MGP: variants seen among roughly 807,000 people sequenced by gnomAD.
The protein encoded by MGP is matrix Gla protein, also known as cell growth-inhibiting gene 36 protein.
A neutral mutation model predicts 14.5 loss-of-function variants in MGP; 13 were observed. The observed-to-expected ratio is 0.89, with a 90% CI of 0.58 to 1.42. The LOEUF is 1.42. Ranked by LOEUF, MGP falls within the 40% of genes most tolerant of loss-of-function variation. The pLI is 0.00. For missense variants in MGP, 128 were observed against 133.7 expected, an observed-to-expected ratio of 0.96 and a Z score of 0.21; for synonymous variants, 44 against 46.3, an observed-to-expected ratio of 0.95 and a Z score of 0.20.
At chr12:14,884,413 G>A (rs1460354268) in intron 1 of MGP, among the ~76,000 whole-genome samples, 168 bp from the exon 2 acceptor site, 3 of 152,094 alleles carry the variant, frequency 2.0e-5, no homozygotes, top group African/African-American at 7.2e-5. Flanking sequence ...AGAAATTTCA[G>A]GAATTTAGGA....
At position 14,885,811 on chromosome 12, in the gene MGP, G is replaced by T; in HGVS notation, c.-20C>A. 1.9e-6 allele frequency: 3 copies of T among 1,611,836 alleles called. No individual in the cohort carries two copies. The highest frequency in any genetic ancestry group is 2.5e-6 in the Non-Finnish European group (3 of 1,178,044). On this transcript the variant is annotated 5_prime_UTR_variant, in exon 1 of 4. It adds an upstream start codon to the 5' untranslated region. Transcript: ENST00000539261. ...CTTCATGGTTTCGTCCTGCAGGTCA[G>T]TCTCAGGGTCTTGTGTAGCAGCAGT...
rs186013880 is a variant in MGP, at chr12:14,882,244, A to G, written c.207T>C (p.Asn69=). Residue 69 remains asparagine (N), a synonymous_variant, in exon 4 of 4, where the codon AAT becomes AAC. Transcript: ENST00000539261. ...GTCTGTAGTCATCACAGGCTTCCCT[A>G]TTGAGCTCGTGGACAGGCTTAGAGC... ...RERSKPVHEL[N]REACDDYRLC... 4.4e-4 allele frequency: 709 copies of G among 1,614,142 alleles called. 6 individuals carry two copies. The East Asian group carries it at 0.012, about 27-fold the overall frequency.
chr12:14,884,721 A>G (rs1004764332), intron 1 of MGP: 74 of 1,094,586 alleles, frequency 6.8e-5, no homozygotes, highest in Non-Finnish European at 9.1e-5. Flanking sequence ...TGGGCTTACT[A>G]GGGCAGGTTT....
At chr12:14,882,930 A>C in intron 3 of MGP, 42 bp downstream of exon 3, 1 of 1,332,596 alleles carries the variant, frequency 7.5e-7, no homozygotes, top group Non-Finnish European at 1.1e-6. Context: ...TGTGATCTAC[A>C]CTGGGAAAAA....
At chr12:14,883,361 TTC>T in intron 2 of MGP, 1 of 368,732 alleles carries the variant, frequency 2.7e-6, no homozygotes, top group South Asian at 2.3e-5. Flanking sequence ...TGAGGAGAAA[TTC>T]TCTGTCCTGA....
Position 14,881,756 on chromosome 12 carries a change from T to C in MGP, c.*383A>G, listed in dbSNP as rs1307792387. The C allele has an allele frequency of 4.7e-6, 1 of 212,040 alleles. No individual in the cohort carries two copies. Among genetic ancestry groups the C allele is most frequent in the East Asian group, 1.1e-4 (1 of 8,746 alleles). The allele number at this position is 212,040 out of a possible 1,614,324, so 13.1% of individuals were successfully genotyped here. A position where few individuals can be genotyped will look rare whatever the true frequency, so the allele number is the denominator to read the frequency against. ...ATTTATGGCTGAGTGAGTGCCTTCTTAGCTTCCTTCTTTTTATGTAGTTAT... is the reference window on the plus strand; with the variant it reads ...ATTTATGGCTGAGTGAGTGCCTTCTCAGCTTCCTTCTTTTTATGTAGTTAT... On this transcript the variant is annotated 3_prime_UTR_variant, in exon 4 of 4. Transcript: ENST00000539261.
rs778737168 is a variant in MGP at position 14,882,153 on chromosome 12, G to T, written c.298C>A (p.Arg100=). 2 of 1,613,878 alleles carry T rather than the reference G, an allele frequency of 1.2e-6. No individual in the cohort carries two copies. Among genetic ancestry groups the T allele is most frequent in the South Asian group, 1.1e-5 (1 of 91,066 alleles). Residue 100 remains arginine, a synonymous_variant, in exon 4 of 4, where the codon CGA becomes AGA. Transcript: ENST00000539261. ...TTCCCTCAGTCTCATTTGGTCCCTC[G>T]GCGCTTCCTGAAGTAGCGATTATAG... is the stretch of plus-strand genomic sequence containing the variant. The part of the protein sequence containing the change: ...AAYNRYFRKR[R]GTK
chr12:14,883,362 T>C (rs1241606293), intron 2 of MGP: 2 of 369,032 alleles, frequency 5.4e-6, no homozygotes, highest in Non-Finnish European at 5.2e-6. Context: ...GAGGAGAAAT[T>C]CTCTGTCCTG....
chr12:14,885,661 G>T, intron 1 of MGP, 70 bp downstream of exon 1: 1 of 1,207,090 alleles, frequency 8.3e-7, no homozygotes, highest in Non-Finnish European at 1.2e-6. Flanking sequence ...GGAGGGAGAG[G>T]AAAAATAGAA....
chr12:14,882,001 G>A lies in MGP; in HGVS notation c.*138C>T. On this transcript the variant is annotated 3_prime_UTR_variant, in exon 4 of 4. Coordinates refer to ENST00000539261, the MANE Select transcript of MGP (RefSeq NM_000900.5). ...TTATCAATCTGGGGGCGGGAAAAAG[G>A]GGTGCAGCCAGACAAGAGAATATAC... 9.0e-7 allele frequency: 1 copy of A among 1,109,902 alleles called. No homozygotes were observed. Among genetic ancestry groups the A allele is most frequent in the African/African-American group, 1.6e-5 (1 of 64,428 alleles). 68.8% of individuals were successfully genotyped at this position (1,109,902 alleles called of 1,614,324 possible).
chr12:14,882,759 C>CCTTT (rs998530357), intron 3 of MGP, among the ~76,000 whole-genome samples: 2 of 149,064 alleles, frequency 1.3e-5, no homozygotes, highest in Admixed American at 6.7e-5. Context: ...TTTCTGTCCT[C>CCTTT]CTTTCTCTCC....
At chr12:14,882,456 T>C (rs1405871518) in intron 3 of MGP, among the ~76,000 whole-genome samples, 176 bp from the exon 4 acceptor site, 2 of 152,078 alleles carry the variant, frequency 1.3e-5, no homozygotes, top group African/African-American at 4.8e-5. Context: ...CCCAGCACTT[T>C]GGGAGGCTGA....
At chr12:14,884,651 A>G (rs1863419116) in intron 1 of MGP, among the ~76,000 whole-genome samples, 1 of 152,222 alleles carries the variant, frequency 6.6e-6, no homozygotes, top group African/African-American at 2.4e-5. Context: ...GAGGATTAAG[A>G]AGGATCCAGA....
Position 14,885,746 on chromosome 12 carries a change from C to G in MGP, c.46G>C (p.Val16Leu). 6.2e-7 allele frequency: 1 copy of G among 1,613,762 alleles called. No individual in the cohort carries two copies. The highest frequency in any genetic ancestry group is 1.1e-5 in the South Asian group (1 of 91,060). The change falls in exon 1 of 4, where the codon GTA becomes CTA. Residue 16 changes from valine to leucine, a missense_variant. Transcript: ENST00000539261. Reference sequence around the variant, plus strand: ...AGTTTCTCACCATAACACAAAGTTACTACCGCTAAGGCGGCCAGGATGGCA... The same window carrying G: ...AGTTTCTCACCATAACACAAAGTTAGTACCGCTAAGGCGGCCAGGATGGCA... Reference protein sequence around the residue: ...LLAILAALAVVTLCYESHESM... With the variant: ...LLAILAALAVLTLCYESHESM...
chr12:14,882,863 ATACAAT>A, intron 3 of MGP, 103 bp downstream of exon 3: 1 of 755,988 alleles, frequency 1.3e-6, no homozygotes, highest in Non-Finnish European at 2.4e-6. Context: ...GATTTTAAAG[ATACAAT>A]TAGAAATAAT....
intron 1 of MGP, among the ~76,000 whole-genome samples, chr12:14,885,074 A>G (rs1203964515): frequency 2.0e-5 from 3 of 152,238 alleles, no homozygotes; most frequent in Non-Finnish European, 4.4e-5. Context: ...AAACAATGAA[A>G]ATATCTAGGT....
In MGP at chr12:14,882,252, C is replaced by T. The variant is rs550754490; in HGVS notation, c.199G>A (p.Glu67Lys). Residue 67 changes from glutamate to lysine, a missense_variant, in exon 4 of 4, where the codon GAG becomes AAG. Transcript: ENST00000539261. ...RIRERSKPVHELNREACDDYR... is the reference protein window; with the variant it reads ...RIRERSKPVHKLNREACDDYR... ...TCATCACAGGCTTCCCTATTGAGCT[C>T]GTGGACAGGCTTAGAGCGTTCTCGG... 9.9e-6 allele frequency: 16 copies of T among 1,613,878 alleles called. No individual in the cohort carries two copies. In the African/African-American group the frequency reaches 1.1e-4, roughly 11 times the overall value.
intron 2 of MGP, 93 bp from the exon 3 acceptor site, chr12:14,883,140 C>T: frequency 9.7e-7 from 1 of 1,032,912 alleles, no homozygotes; most frequent in Admixed American, 1.9e-5. Context: ...TTTGAAAGTG[C>T]CTTAACTTAT....
At chr12:14,884,627 A>G (rs1863418830) in intron 1 of MGP, among the ~76,000 whole-genome samples, 1 of 152,210 alleles carries the variant, frequency 6.6e-6, no homozygotes, top group Non-Finnish European at 1.5e-5. Context: ...AGCCTGTTTG[A>G]GAACAGGGTC....
Sources: gnomAD v4.1 joint callset for allele counts (sites outside exome capture counted in the v4.1 genomes callset) on GRCh38, gnomAD v4.1.1 for gene constraint, MANE v1.5 for transcripts, NCBI Gene and HGNC (gene_info 2026-07-23, HGNC 2026-07-21) for gene names.